Variants in EYS observed in about 807,000 individuals in gnomAD.
EYS encodes EGF-like photoreceptor maintenance factor.
Under a neutral mutation model 282.1 loss-of-function variants are expected in EYS, and 250 were observed. That is an observed-to-expected ratio of 0.89 (90% CI 0.80 to 0.98). The LOEUF (loss-of-function observed/expected upper bound fraction) is 0.98. Ranked by LOEUF, EYS falls within the 50% of genes least tolerant of loss-of-function variation. EYS has a pLI of 0.00. For synonymous variants in EYS, 1,355 were observed against 1,282.9 expected, an observed-to-expected ratio of 1.06 and a Z score of -1.20; for missense variants, 4,016 against 3,709.0, an observed-to-expected ratio of 1.08 and a Z score of -2.15.
intron 12 of EYS, among the ~76,000 whole-genome samples, chr6:65,119,630 C>CTTTTATT (rs112333448): frequency 4.4e-5 from 6 of 135,340 alleles, no homozygotes; most frequent in Non-Finnish European, 9.3e-5. Flanking sequence ...GCCTTTTTAT[C>CTTTTATT]TTTTTTTTTT....
chr6:65,705,127 G>A (rs1023903884), intron 1 of EYS, among the ~76,000 whole-genome samples: 13 of 152,060 alleles, frequency 8.5e-5, no homozygotes, highest in Admixed American at 2.6e-4. Flanking sequence ...TGTTATATGG[G>A]CACCATAAAA....
chr6:65,241,060 T>C (rs1767046143), intron 12 of EYS, among the ~76,000 whole-genome samples: 2 of 152,116 alleles, frequency 1.3e-5, no homozygotes, highest in Non-Finnish European at 2.9e-5. Flanking sequence ...ATACAAATAC[T>C]TACTAATTTC....
chr6:65,540,506 T>C (rs916964916), intron 2 of EYS, among the ~76,000 whole-genome samples: 2 of 152,238 alleles, frequency 1.3e-5, no homozygotes, highest in East Asian at 3.8e-4. Context: ...GGGAATTAAT[T>C]ATTTTAGCTG....
rs182994415 is a variant in EYS, at chr6:65,314,986, T to C, written c.1767-18867A>G. Among the ~76,000 whole-genome samples, 11 of 152,218 alleles carry C rather than the reference T, an allele frequency of 7.2e-5. No individual in the cohort carries two copies. The East Asian group carries it at 1.5e-3, about 21-fold the overall frequency. ...CACTTCTCATTCCAATGCTTGATAGTTATGGAATTTGCTGAGACCACCCAC... is the reference window on the plus strand; with the variant it reads ...CACTTCTCATTCCAATGCTTGATAGCTATGGAATTTGCTGAGACCACCCAC... On this transcript the variant is annotated intron_variant, in intron 11 of 42. Coordinates refer to ENST00000503581, the MANE Select transcript of EYS (RefSeq NM_001142800.2).
chr6:64,595,401 A>T (rs1205676815), intron 24 of EYS, among the ~76,000 whole-genome samples: 1 of 152,184 alleles, frequency 6.6e-6, no homozygotes, highest in Non-Finnish European at 1.5e-5. Flanking sequence ...CACTTTCACC[A>T]TTGTTATTCA....
intron 7 of EYS, among the ~76,000 whole-genome samples, chr6:65,397,515 C>A (rs996074883): frequency 6.6e-6 from 1 of 151,504 alleles, no homozygotes; most frequent in African/African-American, 2.4e-5. Context: ...TGATAATGGT[C>A]TCCAGTTCCA....
chr6:65,296,924 A>G (rs543029740), intron 11 of EYS, among the ~76,000 whole-genome samples: 191 of 146,812 alleles, frequency 1.3e-3, no homozygotes, highest in African/African-American at 4.5e-3. Flanking sequence ...AAAAGTGGGG[A>G]TATTTTTCTG....
intron 19 of EYS, among the ~76,000 whole-genome samples, chr6:64,875,746 A>G (rs1490383375): frequency 6.6e-6 from 1 of 152,130 alleles, no homozygotes. Flanking sequence ...GTTCTTACAT[A>G]ATTTGTTCTG....
chr6:64,881,732 A>C (rs377343950), intron 19 of EYS, among the ~76,000 whole-genome samples: 32 of 151,930 alleles, frequency 2.1e-4, no homozygotes, highest in African/African-American at 7.7e-4. Context: ...ATAACTCAAT[A>C]AAATAAGATA....
chr6:65,538,566 T>A lies in EYS; in HGVS notation c.-332-42573A>T, dbSNP rs12175029. Among the ~76,000 whole-genome samples, 41 of 152,098 alleles carry A rather than the reference T, an allele frequency of 2.7e-4. 1 individual carries two copies. The highest frequency in any genetic ancestry group is 7.0e-4 in the African/African-American group (29 of 41,500). On this transcript the variant is annotated intron_variant, in intron 2 of 42. Coordinates refer to ENST00000503581, the MANE Select transcript of EYS (RefSeq NM_001142800.2). The stretch of plus-strand genomic sequence containing the variant: ...TAACAAATAAAACATATATTGAGTA[T>A]CTCCCAAAAAAAGTAGGTAATTAAG...
intron 21 of EYS, among the ~76,000 whole-genome samples, chr6:64,816,191 C>T (rs1764737915): frequency 6.6e-6 from 1 of 152,084 alleles, no homozygotes; most frequent in African/African-American, 2.4e-5. Context: ...AACACGGTAC[C>T]TACTAAGTCC....
chr6:65,274,846 G>T (rs965165709), intron 12 of EYS, among the ~76,000 whole-genome samples: 1 of 151,628 alleles, frequency 6.6e-6, no homozygotes, highest in Non-Finnish European at 1.5e-5. Flanking sequence ...GTCCTGTCAA[G>T]ATATCATTTC....
chr6:65,089,742 T>G (rs538682462), intron 12 of EYS, among the ~76,000 whole-genome samples: 2 of 151,544 alleles, frequency 1.3e-5, no homozygotes, highest in South Asian at 4.2e-4. Flanking sequence ...TCACTTGAGG[T>G]TAGGAGATTG....
At chr6:64,485,270 A>G (rs1776547553) in intron 26 of EYS, among the ~76,000 whole-genome samples, 1 of 151,608 alleles carries the variant, frequency 6.6e-6, no homozygotes, top group East Asian at 1.9e-4. Flanking sequence ...AGAAAAGACA[A>G]TGTATTTAGT....
chr6:64,120,379 A>AAAAG (rs1562211157), intron 31 of EYS, among the ~76,000 whole-genome samples: 19 of 150,068 alleles, frequency 1.3e-4, no homozygotes, highest in Non-Finnish European at 1.5e-4. Context: ...AAAAAAAAAA[A>AAAAG]AAAGAAAAAC....
At chr6:65,343,029 T>C (rs1210447685) in intron 10 of EYS, among the ~76,000 whole-genome samples, 1 of 151,126 alleles carries the variant, frequency 6.6e-6, no homozygotes, top group Non-Finnish European at 1.5e-5. Flanking sequence ...TAGTGATGTA[T>C]ATGTGATTGG....
At chr6:63,780,622 A>G (rs1056197714) in intron 39 of EYS, among the ~76,000 whole-genome samples, 4 of 150,442 alleles carry the variant, frequency 2.7e-5, no homozygotes, top group African/African-American at 9.7e-5. Context: ...AAATTTGTTT[A>G]AGTTTTTTGT....
At chr6:63,805,953 C>T (rs1216920912) in intron 37 of EYS, among the ~76,000 whole-genome samples, 2 of 152,176 alleles carry the variant, frequency 1.3e-5, no homozygotes, top group African/African-American at 4.8e-5. Context: ...CAGTTCTTTA[C>T]AGCAGCATGA....
chr6:65,090,199 AG>A (rs1774515601), intron 12 of EYS, among the ~76,000 whole-genome samples: 1 of 152,128 alleles, frequency 6.6e-6, no homozygotes, highest in Admixed American at 6.5e-5. Flanking sequence ...ACCAGGTGAA[AG>A]TAATTGGATC....
Sources: gnomAD v4.1 joint callset for allele counts (sites outside exome capture counted in the v4.1 genomes callset) on GRCh38, gnomAD v4.1.1 for gene constraint, MANE v1.5 for transcripts, NCBI Gene and HGNC (gene_info 2026-07-23, HGNC 2026-07-21) for gene names.